The following DNAH3 variants were observed in gnomAD, a reference collection of about 807,000 sequenced individuals.
DNAH3 encodes the protein dynein axonemal heavy chain 3.
Under a neutral mutation model 432.5 loss-of-function variants are expected in DNAH3, and 332 were observed. That is an observed-to-expected ratio of 0.77 (90% CI 0.70 to 0.84). The LOEUF is 0.84. Among genes scored for constraint, DNAH3 ranks in the 40% least tolerant of loss-of-function variants. The probability of loss-of-function intolerance (pLI) is 0.00; values close to 1 mark genes in which losing one functional copy is unlikely to be tolerated. For missense variants in DNAH3, 4,861 were observed against 5,114.0 expected (o/e 0.95, Z 1.51); for synonymous variants, 1,956 against 1,900.2 (o/e 1.03, Z -0.76).
chr16:21,038,051 T>C, intron 33 of DNAH3, 71 bp from the exon 34 acceptor site: 1 of 1,384,386 alleles, frequency 7.2e-7, no homozygotes, highest in South Asian at 1.2e-5. Flanking sequence ...ATTCCCAATA[T>C]CCTTGTCCTT....
At chr16:21,077,972 C>T (rs1278522481) in intron 20 of DNAH3, among the ~76,000 whole-genome samples, 1 of 152,082 alleles carries the variant, frequency 6.6e-6, no homozygotes, top group Non-Finnish European at 1.5e-5. Flanking sequence ...CCTTCTCTTA[C>T]TTAGAAAGAG....
exon 37 of DNAH3, chr16:21,031,182 T>A: frequency 3.7e-6 from 6 of 1,614,120 alleles, no homozygotes; most frequent in Non-Finnish European, 4.2e-6. Context: ...ACACCATCCA[T>A]CCACTCGTGG....
rs1401065612 is a variant in DNAH3, at chr16:20,948,648, C to T, written c.11189-11G>A. On this transcript the variant is annotated splice_polypyrimidine_tract_variant and intron_variant, in intron 56 of 61. Coordinates refer to ENST00000261383, the Ensembl canonical transcript of DNAH3. ...CGTAATTACATTCCCCTGGGGACAA[C>T]CAACAGAAGGAGAGGTTGAGCCCAG... 3.7e-6 allele frequency: 6 copies of T among 1,613,984 alleles called. No individual in the cohort carries two copies. The highest frequency in any genetic ancestry group is 5.1e-6 in the Non-Finnish European group (6 of 1,179,948).
At chr16:21,065,583 C>T (rs572939740) in intron 24 of DNAH3, among the ~76,000 whole-genome samples, 2 of 152,298 alleles carry the variant, frequency 1.3e-5, no homozygotes, top group African/African-American at 4.8e-5. Context: ...GTTCCTTCCA[C>T]TATACTGTGC....
intron 47 of DNAH3, among the ~76,000 whole-genome samples, chr16:20,987,010 TG>T: frequency 6.6e-6 from 1 of 152,300 alleles, no homozygotes; most frequent in African/African-American, 2.4e-5. Context: ...ACCAATTAAT[TG>T]ATCCTAAAAA....
exon 53 of DNAH3, chr16:20,964,039 A>G (rs902641913): frequency 1.4e-5 from 23 of 1,614,154 alleles, no homozygotes; most frequent in Non-Finnish European, 1.9e-5. Flanking sequence ...CGTTTCTGTC[A>G]TGGAAGCAAC....
chr16:21,069,011 G>A (rs530176628), intron 23 of DNAH3, among the ~76,000 whole-genome samples: 3 of 151,614 alleles, frequency 2.0e-5, no homozygotes, highest in Non-Finnish European at 4.4e-5. Flanking sequence ...TGCAACCGCC[G>A]CCTCCTGAGT....
chr16:21,056,351 T>G (rs1260602457), intron 27 of DNAH3, among the ~76,000 whole-genome samples: 6 of 151,650 alleles, frequency 4.0e-5, no homozygotes, highest in Non-Finnish European at 8.8e-5. Flanking sequence ...CCCCTCACTC[T>G]CTTACTCTTT....
chr16:21,037,880 T>C (rs755045352), exon 34 of DNAH3: 24 of 1,614,208 alleles, frequency 1.5e-5, no homozygotes, highest in Middle Eastern at 1.6e-4. Flanking sequence ...CCTGCGGCAG[T>C]AAGCACAGAC....
In DNAH3 at chr16:21,159,334, A is replaced by T. The variant is rs917775592; in HGVS notation, c.108T>A (p.Ser36Arg). 1.1e-5 allele frequency: 18 copies of T among 1,612,914 alleles called. No homozygotes were observed. The highest frequency in any genetic ancestry group is 1.2e-5 in the Non-Finnish European group (14 of 1,179,770). The stretch of plus-strand genomic sequence containing the variant: ...CGGACCCCCTCTCCACCTGCATTTC[A>T]CTCCCTTCCTCCTCTCCTTGGGTCT... The change falls in exon 1 of 62, where the codon AGT (serine) becomes AGA (arginine). Residue 36 changes from serine (S) to arginine (R), a missense_variant. Coordinates refer to ENST00000261383, the Ensembl canonical transcript of DNAH3.
rs114882038 is a variant in DNAH3 at position 21,019,492 on chromosome 16, A to C, written c.6022+132T>G. The stretch of plus-strand genomic sequence containing the variant: ...ATATTTTAATTCTGTAATTCCTTAC[A>C]TATTTATTAGCCACCGTGCCTGGCC... On this transcript the variant is annotated intron_variant, in intron 41 of 61. Coordinates refer to ENST00000261383, the Ensembl canonical transcript of DNAH3. The C allele has an allele frequency of 8.8e-3, 8,598 of 982,080 alleles. 511 individuals carry two copies. In the African/African-American group the frequency reaches 0.12, roughly 14 times the overall value. 60.8% of individuals were successfully genotyped at this position (982,080 alleles called of 1,614,324 possible).
rs74843025 is a variant in DNAH3, at chr16:21,078,508, T to A, written c.2970-2947A>T. ...GAGTGTGCATATAGGGAATAATTAATAAAGGCAGGTGCCAGCCCAGATTAG... is the reference window on the plus strand; with the variant it reads ...GAGTGTGCATATAGGGAATAATTAAAAAAGGCAGGTGCCAGCCCAGATTAG... On this transcript the variant is annotated intron_variant, in intron 20 of 61. Coordinates refer to ENST00000261383, the Ensembl canonical transcript of DNAH3. Among the ~76,000 whole-genome samples the A allele has an allele frequency of 1.7e-3, 255 of 152,176 alleles. 5 individuals are homozygous for A. In the East Asian group the frequency reaches 0.037, roughly 22 times the overall value.
At chr16:20,967,644 G>T (rs1479126651) in intron 52 of DNAH3, among the ~76,000 whole-genome samples, 1 of 151,448 alleles carries the variant, frequency 6.6e-6, no homozygotes, top group African/African-American at 2.4e-5. Flanking sequence ...CTGGGATTAG[G>T]CACACACCAC....
At chr16:21,035,328 T>C (rs1056470765) in intron 35 of DNAH3, among the ~76,000 whole-genome samples, 2 of 152,046 alleles carry the variant, frequency 1.3e-5, no homozygotes, top group Non-Finnish European at 2.9e-5. Flanking sequence ...CTGTTTAAAA[T>C]AAAAAACGAA....
chr16:20,939,336 G>A (rs2083715465), intron 59 of DNAH3, among the ~76,000 whole-genome samples: 1 of 152,196 alleles, frequency 6.6e-6, no homozygotes, highest in Admixed American at 6.5e-5. Context: ...CCTAGGCCGG[G>A]CACAGTGGCT....
At chr16:21,027,475 A>C (rs564630913) in intron 37 of DNAH3, among the ~76,000 whole-genome samples, 36 of 152,358 alleles carry the variant, frequency 2.4e-4, no homozygotes, top group South Asian at 1.7e-3. Flanking sequence ...ATCCACACCT[A>C]AGTGTGTATT....
chr16:20,947,214 A>C (rs977658431), intron 57 of DNAH3, among the ~76,000 whole-genome samples: 70 of 152,008 alleles, frequency 4.6e-4, no homozygotes, highest in Admixed American at 4.3e-3. Context: ...AAACCCAAGA[A>C]GACTGGGTGC....
intron 36 of DNAH3, among the ~76,000 whole-genome samples, chr16:21,033,174 A>C (rs921365734): frequency 6.6e-6 from 1 of 152,196 alleles, no homozygotes; most frequent in Non-Finnish European, 1.5e-5. Flanking sequence ...ATTAGTTATT[A>C]AGGCTAGGAT....
At chr16:21,150,556 G>T (rs983656982) in intron 1 of DNAH3, 22 bp from the exon 2 acceptor site, 3 of 235,854 alleles carry the variant, frequency 1.3e-5, no homozygotes, top group Non-Finnish European at 2.6e-5. Context: ...GGAGAGAAAG[G>T]GAAGCTAGAG....
Sources: allele counts gnomAD v4.1 joint callset (sites outside exome capture counted in the v4.1 genomes callset), GRCh38; gene constraint gnomAD v4.1.1; transcripts MANE v1.5; gene names NCBI Gene and HGNC (gene_info 2026-07-23, HGNC 2026-07-21).